RAB38: variants seen among roughly 807,000 people sequenced by gnomAD.
RAB38 encodes the protein ras-related protein Rab-38.
Under a neutral mutation model 18.4 loss-of-function variants are expected in RAB38, and 15 were observed. The observed-to-expected ratio is 0.82, with a 90% CI of 0.55 to 1.26. The LOEUF (loss-of-function observed/expected upper bound fraction) is 1.26, where lower values mean the gene tolerates loss of function less well. RAB38 is among the 50% of genes most tolerant of loss of function. The pLI is 0.00. For synonymous variants in RAB38, 101 were observed against 104.4 expected, an observed-to-expected ratio of 0.97 and a Z score of 0.20; for missense variants, 294 against 267.4, an observed-to-expected ratio of 1.10 and a Z score of -0.69.
the RAB38 span, among the ~76,000 whole-genome samples, chr11:88,016,324 A>G: frequency 1.3e-5 from 2 of 152,156 alleles, no homozygotes; most frequent in Non-Finnish European, 2.9e-5. Context: ...GAGACAACCT[A>G]TTTCAACAGG....
At chr11:88,014,465 T>C in the RAB38 span, among the ~76,000 whole-genome samples, 5 of 152,036 alleles carry the variant, frequency 3.3e-5, no homozygotes, top group Admixed American at 6.6e-5. Flanking sequence ...ACCAGAAAAA[T>C]GAAGTTCTGA....
At chr11:87,911,407 G>C in the RAB38 span, among the ~76,000 whole-genome samples, 2 of 152,042 alleles carry the variant, frequency 1.3e-5, no homozygotes, top group African/African-American at 4.8e-5. Flanking sequence ...CCTTGATCAT[G>C]ATACATAGCA....
chr11:87,903,936 G>T, the RAB38 span, among the ~76,000 whole-genome samples: 1 of 150,276 alleles, frequency 6.7e-6, no homozygotes, highest in Non-Finnish European at 1.5e-5. Flanking sequence ...TTATTTGTCT[G>T]GGAGTTTATT....
intron 2 of RAB38, among the ~76,000 whole-genome samples, chr11:88,137,647 T>C (rs139666990): frequency 3.3e-5 from 5 of 152,164 alleles, no homozygotes; most frequent in African/African-American, 1.2e-4. Context: ...GGAAGAAAAT[T>C]ATCAAAGAAA....
the RAB38 span, among the ~76,000 whole-genome samples, chr11:88,035,851 C>T: frequency 1.3e-5 from 2 of 151,922 alleles, no homozygotes; most frequent in African/African-American, 4.8e-5. Context: ...CTACAACTAA[C>T]CTCAATGCCC....
the RAB38 span, among the ~76,000 whole-genome samples, chr11:87,898,358 A>G: frequency 6.6e-6 from 1 of 151,576 alleles, no homozygotes; most frequent in African/African-American, 2.4e-5. Flanking sequence ...CCTTCCTCAG[A>G]TCCCAAACCA....
At chr11:88,020,210 A>G in the RAB38 span, among the ~76,000 whole-genome samples, 1 of 152,226 alleles carries the variant, frequency 6.6e-6, no homozygotes, top group Non-Finnish European at 1.5e-5. Context: ...CTTGTCTACA[A>G]GAAACACACT....
the RAB38 span, among the ~76,000 whole-genome samples, chr11:88,015,917 G>C: frequency 6.6e-6 from 1 of 152,122 alleles, no homozygotes; most frequent in Non-Finnish European, 1.5e-5. Flanking sequence ...GTCTGGGCTT[G>C]TGCATCAGAG....
chr11:88,039,364 T>TA, the RAB38 span, among the ~76,000 whole-genome samples: 16 of 151,776 alleles, frequency 1.1e-4, no homozygotes, highest in Admixed American at 5.2e-4. Flanking sequence ...ACTTTTTTTT[T>TA]ATGATAGAAC....
At chr11:88,094,464 T>C in the RAB38 span, among the ~76,000 whole-genome samples, 1 of 151,944 alleles carries the variant, frequency 6.6e-6, no homozygotes, top group African/African-American at 2.4e-5. Context: ...TTTTGCTTTC[T>C]GTAAACAATC....
chr11:87,828,411 C>G, the RAB38 span, among the ~76,000 whole-genome samples: 1 of 152,112 alleles, frequency 6.6e-6, no homozygotes, highest in Non-Finnish European at 1.5e-5. Context: ...CCCCATTCTA[C>G]TACATTTGGC....
In RAB38 at chr11:88,175,228, A is replaced by G; in HGVS notation, c.157T>C (p.Trp53Arg). ...AGGCGCACCACAGTCTCCGGGTCCCAGTGGAGCACCTTGAGCGCGAAGTCC... is the reference window on the plus strand; with the variant it reads ...AGGCGCACCACAGTCTCCGGGTCCCGGTGGAGCACCTTGAGCGCGAAGTCC... ...GVDFALKVLH[W>R]DPETVVRLQL... Residue 53 changes from tryptophan (W) to arginine (R), a missense_variant, in exon 1 of 3, where the codon TGG becomes CGG. Coordinates refer to ENST00000243662, the MANE Select transcript of RAB38 (RefSeq NM_022337.3). The G allele has an allele frequency of 6.2e-7, 1 of 1,613,914 alleles. No individual in the cohort carries two copies. The highest frequency in any genetic ancestry group is 1.1e-5 in the South Asian group (1 of 91,034).
the RAB38 span, among the ~76,000 whole-genome samples, chr11:87,963,575 ACAAG>A: frequency 6.6e-6 from 1 of 152,280 alleles, no homozygotes; most frequent in African/African-American, 2.4e-5. Context: ...TTATCAAAAT[ACAAG>A]CAGAGTTAAA....
At chr11:88,078,220 G>A in the RAB38 span, among the ~76,000 whole-genome samples, 2 of 152,024 alleles carry the variant, frequency 1.3e-5, no homozygotes, top group Non-Finnish European at 2.9e-5. Context: ...TGGTGGGGAT[G>A]TAAATTAGTA....
the RAB38 span, among the ~76,000 whole-genome samples, chr11:87,935,015 T>C: frequency 6.6e-6 from 1 of 151,820 alleles, no homozygotes; most frequent in Non-Finnish European, 1.5e-5. Context: ...CTTGCCAGGC[T>C]AATGCTGGTA....
the RAB38 span, among the ~76,000 whole-genome samples, chr11:88,014,545 T>C: frequency 2.6e-5 from 4 of 152,230 alleles, no homozygotes. Flanking sequence ...GACAGATCTA[T>C]CCTCCATGAT....
the RAB38 span, among the ~76,000 whole-genome samples, chr11:87,962,808 T>A: frequency 6.6e-6 from 1 of 152,204 alleles, no homozygotes; most frequent in Non-Finnish European, 1.5e-5. Flanking sequence ...AAATTTTAGA[T>A]GTTTTCACCA....
Position 88,113,985 on chromosome 11 carries a change from C to G in RAB38, c.*3G>C, listed in dbSNP as rs914588498. 6.2e-7 allele frequency: 1 copy of G among 1,613,960 alleles called. No individual in the cohort carries two copies. The highest frequency in any genetic ancestry group is 8.5e-7 in the Non-Finnish European group (1 of 1,179,978). On this transcript the variant is annotated 3_prime_UTR_variant, in exon 3 of 3. Coordinates refer to ENST00000243662, the MANE Select transcript of RAB38 (RefSeq NM_022337.3). The stretch of plus-strand genomic sequence containing the variant: ...TCCTACCAGACACCAGCAAAGGTGC[C>G]TACTAGGATTTGGCACAGCCAGAGC...
the RAB38 span, among the ~76,000 whole-genome samples, chr11:87,895,782 CAT>C: frequency 6.6e-6 from 1 of 151,550 alleles, no homozygotes; most frequent in East Asian, 2.0e-4. Context: ...AAAAATGAGA[CAT>C]AGGCTATGTC....
Sources: allele counts gnomAD v4.1 joint callset (sites outside exome capture counted in the v4.1 genomes callset), GRCh38; gene constraint gnomAD v4.1.1; transcripts MANE v1.5; gene names NCBI Gene and HGNC (gene_info 2026-07-23, HGNC 2026-07-21).